Variants in DAB1 observed in about 807,000 individuals in gnomAD.
The protein encoded by DAB1 is DAB adaptor protein 1, also known as disabled homolog 1.
A neutral mutation model predicts 64.6 loss-of-function variants in DAB1; 15 were observed. The observed-to-expected ratio is 0.23, with a 90% CI of 0.16 to 0.36. The LOEUF (loss-of-function observed/expected upper bound fraction) is 0.36. DAB1 is among the 10% of genes least tolerant of loss of function. The probability of loss-of-function intolerance (pLI) is 1.00; values close to 1 mark genes in which losing one functional copy is unlikely to be tolerated. For synonymous variants in DAB1, 235 were observed against 251.9 expected (o/e 0.93, Z 0.64); for missense variants, 596 against 706.7 (o/e 0.84, Z 1.78).
chr1:57,524,917 G>A (rs1644573412), intron 7 of DAB1, among the ~76,000 whole-genome samples: 1 of 152,106 alleles, frequency 6.6e-6, no homozygotes, highest in South Asian at 2.1e-4. Flanking sequence ...GACCAAAACT[G>A]CTCACAAAGA....
At chr1:58,429,837 G>A (rs1270857064) in intron 3 of DAB1, among the ~76,000 whole-genome samples, 1 of 97,098 alleles carries the variant, frequency 1.0e-5, no homozygotes, top group Admixed American at 9.1e-5. Flanking sequence ...TAACAAAACA[G>A]TGTAGATTAT....
intron 2 of DAB1, among the ~76,000 whole-genome samples, chr1:57,278,842 G>A (rs548317504): frequency 1.5e-4 from 23 of 152,286 alleles, no homozygotes; most frequent in African/African-American, 2.4e-4. Context: ...ACTTTGTGTC[G>A]TCTTTCCAGC....
chr1:57,053,399 T>A (rs1027405169), intron 9 of DAB1, among the ~76,000 whole-genome samples: 3 of 151,762 alleles, frequency 2.0e-5, no homozygotes, highest in Admixed American at 1.3e-4. Flanking sequence ...AGGCATGTAT[T>A]ACCATGCCCG....
At chr1:57,265,096 C>T (rs1362036528) in intron 2 of DAB1, among the ~76,000 whole-genome samples, 1 of 152,194 alleles carries the variant, frequency 6.6e-6, no homozygotes, top group Non-Finnish European at 1.5e-5. Context: ...TAGGGAACAG[C>T]AGCCCCAGGA....
At chr1:57,651,166 A>G (rs1173604093) in intron 6 of DAB1, among the ~76,000 whole-genome samples, 2 of 152,148 alleles carry the variant, frequency 1.3e-5, no homozygotes, top group East Asian at 3.9e-4. Flanking sequence ...CAAAAAAAAA[A>G]AGATCTTATG....
At chr1:58,405,157 G>A (rs1222063537) in intron 3 of DAB1, among the ~76,000 whole-genome samples, 2 of 151,984 alleles carry the variant, frequency 1.3e-5, no homozygotes, top group East Asian at 3.9e-4. Flanking sequence ...AATCACCTTG[G>A]GCCTTTGCAC....
At position 57,795,690 on chromosome 1, in the gene DAB1, G is replaced by GATTAT. The variant is rs1270547155; in HGVS notation, n.551+88308_551+88309insATAAT. 5.9e-4 allele frequency among the ~76,000 whole-genome samples: 41 copies of GATTAT among 69,100 alleles called. 1 individual carries two copies. Among genetic ancestry groups the GATTAT allele is most frequent in the African/African-American group, 2.2e-3 (40 of 17,952 alleles). 45.3% of individuals were successfully genotyped at this position (69,100 alleles called of 152,430 possible). On this transcript the variant is annotated intron_variant and non_coding_transcript_variant, in intron 6 of 20. Coordinates refer to the DAB1 transcript ENST00000485760. ...TAACCATCCATGAATTATGCTTGGA[G>GATTAT]ATATATATATATATATATATATATA...
chr1:57,300,200 C>G (rs919795310), intron 1 of DAB1, among the ~76,000 whole-genome samples: 1 of 152,166 alleles, frequency 6.6e-6, no homozygotes, highest in East Asian at 1.9e-4. Context: ...TATTAAACAC[C>G]TATTCTTTGA....
At chr1:58,518,272 G>GGGGAGAGGA (rs1557450173) in intron 2 of DAB1, among the ~76,000 whole-genome samples, 15 of 650 alleles carry the variant, frequency 0.023, 2 homozygotes, top group Non-Finnish European at 0.07. Flanking sequence ...AGAGGAGAGA[G>GGGGAGAGGA]GAGAGGAGAA....
chr1:58,062,773 TA>T (rs1259203735), intron 5 of DAB1, among the ~76,000 whole-genome samples: 1 of 152,176 alleles, frequency 6.6e-6, no homozygotes, highest in Non-Finnish European at 1.5e-5. Flanking sequence ...GATGAGTAGA[TA>T]CTACACACCA....
At chr1:57,846,564 C>G (rs1653297060) in intron 1 of DAB1, among the ~76,000 whole-genome samples, 1 of 151,956 alleles carries the variant, frequency 6.6e-6, no homozygotes, top group African/African-American at 2.4e-5. Context: ...GTGCTGTTTA[C>G]TCTGCTAAGG....
At chr1:57,881,486 T>C (rs1459812990) in intron 1 of DAB1, among the ~76,000 whole-genome samples, 1 of 152,244 alleles carries the variant, frequency 6.6e-6, no homozygotes, top group Non-Finnish European at 1.5e-5. Flanking sequence ...TAAATATTTA[T>C]GTGATCTTGA....
intron 6 of DAB1, among the ~76,000 whole-genome samples, chr1:57,802,189 C>T (rs1262020376): frequency 5.9e-5 from 9 of 152,228 alleles, no homozygotes; most frequent in African/African-American, 1.9e-4. Context: ...TTGAGAACAA[C>T]TTTCTCTGCT....
intron 6 of DAB1, among the ~76,000 whole-genome samples, chr1:57,720,397 C>T (rs917724591): frequency 6.6e-6 from 1 of 152,218 alleles, no homozygotes; most frequent in Non-Finnish European, 1.5e-5. Flanking sequence ...GTCTTATTGC[C>T]TTCAGTACCT....
intron 5 of DAB1, among the ~76,000 whole-genome samples, chr1:57,895,187 T>C (rs1569939585): frequency 6.6e-6 from 1 of 152,188 alleles, no homozygotes; most frequent in East Asian, 1.9e-4. Flanking sequence ...TGGGTAACAA[T>C]GGCCAACACT....
intron 1 of DAB1, among the ~76,000 whole-genome samples, chr1:57,829,966 G>T (rs755143679): frequency 6.6e-6 from 1 of 152,196 alleles, no homozygotes; most frequent in Non-Finnish European, 1.5e-5. Flanking sequence ...GAAGACTAGC[G>T]TACAGAGAGA....
At chr1:57,615,232 G>A (rs1183193016) in intron 7 of DAB1, among the ~76,000 whole-genome samples, 4 of 152,184 alleles carry the variant, frequency 2.6e-5, no homozygotes, top group Non-Finnish European at 5.9e-5. Flanking sequence ...AATAAATACT[G>A]TATTTTACAG....
chr1:57,819,208 G>A (rs187493329), intron 6 of DAB1, among the ~76,000 whole-genome samples: 1 of 152,316 alleles, frequency 6.6e-6, no homozygotes, highest in Non-Finnish European at 1.5e-5. Flanking sequence ...TGTGTAGAAA[G>A]ATTTTATTTC....
At chr1:58,207,948 G>T (rs573486921) in intron 4 of DAB1, among the ~76,000 whole-genome samples, 1 of 152,244 alleles carries the variant, frequency 6.6e-6, no homozygotes, top group Non-Finnish European at 1.5e-5. Context: ...CCACAGGGCT[G>T]GGGAAGCCTC....
Sources: allele counts gnomAD v4.1 joint callset (sites outside exome capture counted in the v4.1 genomes callset), GRCh38; gene constraint gnomAD v4.1.1; transcripts MANE v1.5; gene names NCBI Gene and HGNC (gene_info 2026-07-23, HGNC 2026-07-21).